Variants in GLOD4 observed in about 807,000 individuals in gnomAD.
The protein encoded by GLOD4 is glyoxalase domain-containing protein 4.
A neutral mutation model predicts 39.1 loss-of-function variants in GLOD4; 44 were observed. The observed-to-expected ratio is 1.13, with a 90% CI of 0.88 to 1.45. The LOEUF (loss-of-function observed/expected upper bound fraction) is 1.45. Ranked by LOEUF, GLOD4 falls within the 40% of genes most tolerant of loss-of-function variation. The probability of loss-of-function intolerance (pLI) is 0.00; values close to 1 mark genes in which losing one functional copy is unlikely to be tolerated. For synonymous variants in GLOD4, 145 were observed against 135.0 expected, an observed-to-expected ratio of 1.07 and a Z score of -0.52; for missense variants, 405 against 366.4, an observed-to-expected ratio of 1.11 and a Z score of -0.86.
chr17:771,530 G>A (rs370364988), intron 4 of GLOD4, 69 bp from the exon 5 acceptor site: 395 of 836,898 alleles, frequency 4.7e-4, no homozygotes, highest in Middle Eastern at 7.1e-4. Context: ...CAAAACATGC[G>A]CATGTATACT....
intron 8 of GLOD4, among the ~76,000 whole-genome samples, chr17:765,584 C>T (rs1171823801): frequency 6.6e-6 from 1 of 150,880 alleles, no homozygotes; most frequent in Non-Finnish European, 1.5e-5. Context: ...AATCCCAGCC[C>T]TTTGGGAGGC....
At chr17:783,595 C>A (rs1910360223), upstream of GLOD4, 3 of 310,296 alleles carry the variant, frequency 9.7e-6, no homozygotes, top group South Asian at 1.0e-4. Flanking sequence ...CCTCGGCCTC[C>A]CAAAGTGCTG....
Position 769,879 on chromosome 17 carries a change from A to G in GLOD4, c.821T>C (p.Leu274Ser). The G allele has an allele frequency of 6.3e-7, 1 of 1,586,806 alleles. No homozygotes were observed. Among genetic ancestry groups the G allele is most frequent in the Middle Eastern group, 1.7e-4 (1 of 6,018 alleles). Residue 274 changes from leucine (L) to serine (S), a missense_variant, in exon 8 of 9, where the codon TTG becomes TCG. Transcript: ENST00000301329. ...LSKMDPEGSKLLDDAMAADKS... is the reference protein window; with the variant it reads ...LSKMDPEGSKSLDDAMAADKS... Reference sequence around the variant, plus strand: ...AGAAATGGGACTCACATCATCCAACAATTTGCTTCCCTCTGGATCCATCTT... The same window carrying G: ...AGAAATGGGACTCACATCATCCAACGATTTGCTTCCCTCTGGATCCATCTT...
chr17:773,292 G>T (rs898205478), intron 4 of GLOD4, among the ~76,000 whole-genome samples: 3 of 152,188 alleles, frequency 2.0e-5, no homozygotes, highest in Non-Finnish European at 4.4e-5. Flanking sequence ...TTACGACAAA[G>T]ACATTCACCA....
chr17:763,265 T>A (rs1171564249), intron 8 of GLOD4, among the ~76,000 whole-genome samples: 3 of 151,648 alleles, frequency 2.0e-5, no homozygotes, highest in African/African-American at 7.3e-5. Flanking sequence ...CCCAGCACTT[T>A]GGGAGGCTGA....
At chr17:767,922 G>GA (rs945060565) in intron 8 of GLOD4, among the ~76,000 whole-genome samples, 1 of 147,752 alleles carries the variant, frequency 6.8e-6, no homozygotes, top group African/African-American at 2.5e-5. Context: ...CAGATTTTTA[G>GA]AAAAAATCTG....
At chr17:783,815 G>T (rs1177606219), upstream of GLOD4, among the ~76,000 whole-genome samples, 1 of 152,138 alleles carries the variant, frequency 6.6e-6, no homozygotes, top group African/African-American at 2.4e-5. Context: ...CATTTGTGTT[G>T]TGGCTCTTTA....
chr17:766,868 C>CAGG lies in GLOD4; in HGVS notation c.831+3000_831+3001insCCT, dbSNP rs1381350491. On this transcript the variant is annotated intron_variant, in intron 8 of 8. Coordinates refer to ENST00000301329, the MANE Select transcript of GLOD4 (RefSeq NM_016080.4). ...GAGGCAAGATTGCACCATTGCACTC[C>CAGG]ACCCTGGGCGACAGAGCTAGACTCC... Among the ~76,000 whole-genome samples the CAGG allele has an allele frequency of 1.3e-5, 2 of 152,212 alleles. 1 individual carries two copies.
At chr17:767,853 C>G (rs1051092288) in intron 8 of GLOD4, among the ~76,000 whole-genome samples, 5 of 136,396 alleles carry the variant, frequency 3.7e-5, no homozygotes, top group Admixed American at 1.5e-4. Context: ...ACAGCGCGCA[C>G]TCAGATTTTT....
At chr17:782,995 T>C (rs901636296), upstream of GLOD4, 28 of 1,507,290 alleles carry the variant, frequency 1.9e-5, no homozygotes, top group Admixed American at 6.0e-4. Context: ...GCCCTCTCCG[T>C]AGCTCTTTAT....
intron 8 of GLOD4, among the ~76,000 whole-genome samples, chr17:769,403 G>A (rs8074210): frequency 5.8e-5 from 8 of 137,732 alleles, no homozygotes; most frequent in East Asian, 2.3e-4. Context: ...TGAGGGGGTC[G>A]GATGGAGGCA....
chr17:767,616 G>A (rs1327489228), intron 8 of GLOD4, among the ~76,000 whole-genome samples: 1 of 150,110 alleles, frequency 6.7e-6, no homozygotes, highest in Non-Finnish European at 1.5e-5. Context: ...GGACGTGAGA[G>A]AGAGAAACAG....
intron 8 of GLOD4, among the ~76,000 whole-genome samples, chr17:762,695 G>A (rs190166900): frequency 2.9e-5 from 4 of 140,030 alleles, no homozygotes; most frequent in Non-Finnish European, 3.1e-5. Flanking sequence ...TCCAGGCCCC[G>A]GCCTGCACCT....
chr17:778,367 C>A (rs990000846), intron 2 of GLOD4: 1 of 439,762 alleles, frequency 2.3e-6, no homozygotes, highest in Non-Finnish European at 4.0e-6. Flanking sequence ...GAGTCAGAAT[C>A]AATTAAATAA....
intron 4 of GLOD4, among the ~76,000 whole-genome samples, chr17:775,502 C>A (rs1294248670): frequency 1.3e-5 from 2 of 152,194 alleles, no homozygotes; most frequent in Admixed American, 6.5e-5. Context: ...GATTCTATAA[C>A]TGTTCAAAGT....
chr17:775,489 A>T (rs1484629288), intron 4 of GLOD4, among the ~76,000 whole-genome samples: 2 of 152,218 alleles, frequency 1.3e-5, no homozygotes, highest in South Asian at 2.1e-4. Context: ...CTGTGAGCTA[A>T]AAGATTCTAT....
At chr17:775,529 A>C (rs1310480264) in intron 4 of GLOD4, among the ~76,000 whole-genome samples, 1 of 152,202 alleles carries the variant, frequency 6.6e-6, no homozygotes, top group Non-Finnish European at 1.5e-5. Context: ...GTTTTCTGTT[A>C]TTTACAGATG....
rs558846537 is a variant in GLOD4, at chr17:761,760, C to T, written c.832-1522G>A. Among the ~76,000 whole-genome samples the T allele has an allele frequency of 1.2e-4, 19 of 152,270 alleles. No homozygotes were observed. The East Asian group carries it at 3.1e-3, about 25-fold the overall frequency. On this transcript the variant is annotated intron_variant, in intron 8 of 8. Transcript: ENST00000301329. ...CTCAGGTGAGCCACCCGCCTTGGTC[C>T]CCCAAGGTGCTGGGATTACAGGGGT...
intron 2 of GLOD4, chr17:777,216 C>A (rs979007124): frequency 3.6e-6 from 2 of 561,562 alleles, no homozygotes; most frequent in African/African-American, 3.8e-5. Context: ...AAGATTTGTT[C>A]ACCTTTTCTG....
Sources: allele counts gnomAD v4.1 joint callset (sites outside exome capture counted in the v4.1 genomes callset), GRCh38; gene constraint gnomAD v4.1.1; transcripts MANE v1.5; gene names NCBI Gene and HGNC (gene_info 2026-07-23, HGNC 2026-07-21).